ESYT3: variants seen among roughly 807,000 people sequenced by gnomAD.
ESYT3 encodes the protein extended synaptotagmin 3.
ESYT3 carries 101 observed loss-of-function variants against 111.5 expected under a neutral mutation model. The ratio of observed to expected loss-of-function variants is 0.91; its 90% confidence interval spans 0.77 to 1.07. The LOEUF (loss-of-function observed/expected upper bound fraction) is 1.07, where lower values mean the gene tolerates loss of function less well. Ranked by LOEUF, ESYT3 falls within the 50% of genes least tolerant of loss-of-function variation. The probability of loss-of-function intolerance (pLI) is 0.00; values close to 1 mark genes in which losing one functional copy is unlikely to be tolerated. For synonymous variants in ESYT3, 416 were observed against 446.8 expected (o/e 0.93, Z 0.87); for missense variants, 1,097 against 1,109.4 (o/e 0.99, Z 0.16).
intron 1 of ESYT3, among the ~76,000 whole-genome samples, chr3:138,450,963 T>C (rs1352585297): frequency 6.6e-6 from 1 of 151,678 alleles, no homozygotes; most frequent in Non-Finnish European, 1.5e-5. Flanking sequence ...ATGGCCACAG[T>C]GGTGGCTGTG....
At position 138,471,017 on chromosome 3, in the gene ESYT3, G is replaced by T; in HGVS notation, c.1731G>T (p.Leu577=). ...TGGACAGCCTCATCTCCATGAGGCT[G>T]GTGCTTCGGGTAAATCTCTCCGGTC... ...SGLDSLISMR[L]VLRFLQVEER... The change falls in exon 17 of 23, where the codon CTG becomes CTT. Residue 577 remains leucine (L), a synonymous_variant. Transcript: ENST00000389567. The T allele has an allele frequency of 6.2e-7, 1 of 1,613,768 alleles. No homozygotes were observed. The highest frequency in any genetic ancestry group is 1.3e-5 in the African/African-American group (1 of 75,036).
chr3:138,472,931 A>G lies in ESYT3; in HGVS notation c.2237+72A>G, dbSNP rs1024282615. On this transcript the variant is annotated intron_variant, in intron 18 of 22. Transcript: ENST00000389567. ...AATACCTCGCTGGATGGAAAAGTAG[A>G]TATGAACTTACATTTCTGTGCAAGT... 9.8e-6 allele frequency: 15 copies of G among 1,535,776 alleles called. No individual in the cohort carries two copies. The African/African-American group carries it at 1.1e-4, about 11-fold the overall frequency.
At chr3:138,472,949 G>T (rs546053500) in intron 18 of ESYT3, 90 bp downstream of exon 18, 46 of 1,520,408 alleles carry the variant, frequency 3.0e-5, no homozygotes, top group Admixed American at 2.1e-4. Flanking sequence ...TTACATTTCT[G>T]TGCAAGTTGT....
chr3:138,450,947 T>TG (rs144801691), intron 1 of ESYT3, among the ~76,000 whole-genome samples: 2,381 of 152,268 alleles, frequency 0.016, 66 homozygotes, highest in African/African-American at 0.053. Context: ...TCAGGGGACT[T>TG]GGGGCATGGC....
At position 138,472,784 on chromosome 3, in the gene ESYT3, T is replaced by G. The variant is rs527847602; in HGVS notation, c.2162T>G (p.Leu721Arg). ...ASPFAWPPKR[L>R]APSMSSLNSL... ...CCATTCGCATGGCCGCCCAAGAGGCTGGCTCCCAGCATGTCCTCGCTCAAC... is the reference window on the plus strand; with the variant it reads ...CCATTCGCATGGCCGCCCAAGAGGCGGGCTCCCAGCATGTCCTCGCTCAAC... Residue 721 changes from leucine (L) to arginine (R), a missense_variant, in exon 18 of 23, where the codon CTG becomes CGG. Leu to Arg is a moderately radical substitution (Grantham distance 102). Transcript: ENST00000389567. 1 of 1,614,246 alleles carries G rather than the reference T, an allele frequency of 6.2e-7. No homozygotes were observed. Among genetic ancestry groups the G allele is most frequent in the South Asian group, 1.1e-5 (1 of 91,088 alleles).
chr3:138,474,301 G>T lies in ESYT3; in HGVS notation c.2417G>T (p.Arg806Leu). 2 of 1,606,998 alleles carry T rather than the reference G, an allele frequency of 1.2e-6. No individual in the cohort carries two copies. The highest frequency in any genetic ancestry group is 1.7e-6 in the Non-Finnish European group (2 of 1,178,334). Residue 806 changes from arginine to leucine, a missense_variant, in exon 20 of 23, where the codon CGT becomes CTT. Transcript: ENST00000389567. ...YLLPERKWACRKKTSVKRKTL... is the reference protein window; with the variant it reads ...YLLPERKWACLKKTSVKRKTL... Reference sequence around the variant, plus strand: ...TTGCCAGAAAGGAAGTGGGCATGTCGTAAGAAGACTTCAGTGAAGCGGAAG... The same window carrying T: ...TTGCCAGAAAGGAAGTGGGCATGTCTTAAGAAGACTTCAGTGAAGCGGAAG...
At chr3:138,437,458 C>CA (rs1415562474) in intron 1 of ESYT3, among the ~76,000 whole-genome samples, 1 of 152,172 alleles carries the variant, frequency 6.6e-6, no homozygotes, top group African/African-American at 2.4e-5. Flanking sequence ...CGGCACAGGG[C>CA]ATTCTGGCCG....
At chr3:138,450,083 G>A (rs1007077062) in intron 1 of ESYT3, among the ~76,000 whole-genome samples, 2 of 152,130 alleles carry the variant, frequency 1.3e-5, no homozygotes, top group African/African-American at 2.4e-5. Context: ...AGATAGTGAC[G>A]AACGAATCAA....
In ESYT3 at chr3:138,474,261, G is replaced by A. The variant is rs201464827; in HGVS notation, c.2377G>A (p.Val793Ile). ...TACCAGCAGTGGAGCTGATCCCTACGTCCGTGTCTACTTGTTGCCAGAAAG... is the reference window on the plus strand; with the variant it reads ...TACCAGCAGTGGAGCTGATCCCTACATCCGTGTCTACTTGTTGCCAGAAAG... ...PCTSSGADPY[V>I]RVYLLPERKW... is the part of the protein sequence containing the mutation. The change falls in exon 20 of 23, where the codon GTC becomes ATC. Residue 793 changes from valine (V) to isoleucine (I), a missense_variant. Transcript: ENST00000389567. The A allele has an allele frequency of 1.7e-4, 267 of 1,611,464 alleles. 1 individual carries two copies. In the African/African-American group the frequency reaches 2.7e-3, roughly 16 times the overall value.
chr3:138,470,794 C>G, intron 16 of ESYT3, 83 bp from the exon 17 acceptor site: 1 of 1,596,348 alleles, frequency 6.3e-7, no homozygotes, highest in Non-Finnish European at 8.5e-7. Context: ...GAAGTAAACC[C>G]AAACTTGGCT....
rs368357672 is a variant in ESYT3 at position 138,459,178 on chromosome 3, C to G, written c.582-9C>G. The G allele has an allele frequency of 1.3e-6, 2 of 1,502,002 alleles. No homozygotes were observed. The highest frequency in any genetic ancestry group is 1.8e-6 in the Non-Finnish European group (2 of 1,114,442). The allele number at this position is 1,502,002 out of a possible 1,614,324, so 93.0% of individuals were successfully genotyped here. On this transcript the variant is annotated splice_polypyrimidine_tract_variant and intron_variant, in intron 4 of 22. Coordinates refer to ENST00000389567, the MANE Select transcript of ESYT3 (RefSeq NM_031913.5). ...CCTCCCCACCTTCCTTTTCCACCCCCCATTTCAGCTACATCGGGGACTGTG... is the reference window on the plus strand; with the variant it reads ...CCTCCCCACCTTCCTTTTCCACCCCGCATTTCAGCTACATCGGGGACTGTG...
chr3:138,472,476 ACCT>A lies in ESYT3; in HGVS notation c.1856_1858del (p.Pro619del). On this transcript the variant is annotated inframe_deletion, in exon 18 of 23. Coordinates refer to ENST00000389567, the MANE Select transcript of ESYT3 (RefSeq NM_031913.5). ...CTACCAACCAGGGTCCCAAAGCCCA[ACCT>A]CAGGAAGAAGGCCCTACAGATTTGC... The A allele has an allele frequency of 6.2e-7, 1 of 1,614,222 alleles. No homozygotes were observed. Among genetic ancestry groups the A allele is most frequent in the Middle Eastern group, 1.6e-4 (1 of 6,062 alleles).
rs770756031 is a variant in ESYT3 at position 138,469,980 on chromosome 3, C to A, written c.1504-80C>A. ...TAAGGTTCCCAATGGTACCTGGTGG[C>A]CAGAGTGATAGCAGAGGGTGCCGGT... On this transcript the variant is annotated intron_variant, in intron 15 of 22. Coordinates refer to ENST00000389567, the MANE Select transcript of ESYT3 (RefSeq NM_031913.5). 1.1e-5 allele frequency: 14 copies of A among 1,240,598 alleles called. No individual in the cohort carries two copies. In the Middle Eastern group the frequency reaches 2.1e-3, roughly 190 times the overall value. 76.8% of individuals were successfully genotyped at this position (1,240,598 alleles called of 1,614,324 possible). A position where few individuals can be genotyped will look rare whatever the true frequency, so the allele number is the denominator to read the frequency against.
At chr3:138,465,204 T>C in intron 9 of ESYT3, 135 bp from the exon 10 acceptor site, 1 of 620,802 alleles carries the variant, frequency 1.6e-6, no homozygotes, top group East Asian at 2.8e-5. Context: ...TTCACTCCCT[T>C]CTTATGGGTG....
At position 138,459,179 on chromosome 3, in the gene ESYT3, C is replaced by T. The variant is rs1007702261; in HGVS notation, c.582-8C>T. On this transcript the variant is annotated splice_polypyrimidine_tract_variant and splice_region_variant and intron_variant, in intron 4 of 22. Coordinates refer to ENST00000389567, the MANE Select transcript of ESYT3 (RefSeq NM_031913.5). ...CTCCCCACCTTCCTTTTCCACCCCC[C>T]ATTTCAGCTACATCGGGGACTGTGA... 3.3e-6 allele frequency: 5 copies of T among 1,503,618 alleles called. No individual in the cohort carries two copies. Among genetic ancestry groups the T allele is most frequent in the Non-Finnish European group, 4.5e-6 (5 of 1,114,976 alleles). 93.1% of individuals were successfully genotyped at this position (1,503,618 alleles called of 1,614,324 possible). A position where few individuals can be genotyped will look rare whatever the true frequency, so the allele number is the denominator to read the frequency against.
chr3:138,460,822 T>C (rs927096288), intron 7 of ESYT3, among the ~76,000 whole-genome samples, 156 bp downstream of exon 7: 23 of 152,026 alleles, frequency 1.5e-4, no homozygotes, highest in Admixed American at 1.5e-3. Context: ...AGGCTAAGGG[T>C]GTTGTGTGGC....
In ESYT3 at chr3:138,462,177, C is replaced by A. The variant is rs771130798; in HGVS notation, c.886C>A (p.Leu296Met). The A allele has an allele frequency of 2.5e-6, 4 of 1,614,112 alleles. No homozygotes were observed. In the East Asian group the frequency reaches 8.9e-5, roughly 36 times the overall value. Residue 296 changes from leucine to methionine, a missense_variant, in exon 8 of 23, where the codon CTG (leucine) becomes ATG (methionine). Leu to Met is a conservative substitution (Grantham distance 15). Transcript: ENST00000389567. Reference sequence around the variant, plus strand: ...TGTGCCTGTGAAGAAGGGGCTGGATCTGACCAACCTGCGCTTCCCTCTGCC... The same window carrying A: ...TGTGCCTGTGAAGAAGGGGCTGGATATGACCAACCTGCGCTTCCCTCTGCC... ...VTVPVKKGLD[L>M]TNLRFPLPCG...
intron 8 of ESYT3, among the ~76,000 whole-genome samples, chr3:138,463,555 TG>T (rs1306503236): frequency 1.3e-5 from 2 of 152,238 alleles, no homozygotes; most frequent in Admixed American, 6.5e-5. Context: ...TATGTTGTGT[TG>T]GGTCTTTCAC....
At chr3:138,472,027 C>T (rs939195801) in intron 17 of ESYT3, among the ~76,000 whole-genome samples, 1 of 152,194 alleles carries the variant, frequency 6.6e-6, no homozygotes, top group African/African-American at 2.4e-5. Flanking sequence ...CAGCTCCTAG[C>T]CTCACAGCCT....
Sources: allele counts gnomAD v4.1 joint callset (sites outside exome capture counted in the v4.1 genomes callset), GRCh38; gene constraint gnomAD v4.1.1; transcripts MANE v1.5; gene names NCBI Gene and HGNC (gene_info 2026-07-23, HGNC 2026-07-21).